The following NAV3 variants were observed in gnomAD, a reference collection of about 807,000 sequenced individuals.
NAV3 encodes the protein pore membrane and/or filament interacting like protein 1.
A neutral mutation model predicts 244.7 loss-of-function variants in NAV3; 87 were observed. That is an observed-to-expected ratio of 0.36 (90% CI 0.30 to 0.42). The LOEUF (loss-of-function observed/expected upper bound fraction) is 0.42. Among genes scored for constraint, NAV3 ranks in the 20% least tolerant of loss-of-function variants. The pLI is 1.00. For missense variants in NAV3, 2,663 were observed against 2,893.3 expected (o/e 0.92, Z 1.83); for synonymous variants, 1,126 against 1,042.2 (o/e 1.08, Z -1.55).
At chr12:78,190,415 T>A (rs1958922124) in intron 34 of NAV3, among the ~76,000 whole-genome samples, 196 bp downstream of exon 34, 1 of 151,976 alleles carries the variant, frequency 6.6e-6, no homozygotes, top group Non-Finnish European at 1.5e-5. Flanking sequence ...TCAGTAACAT[T>A]CAGTTATCAG....
chr12:78,117,813 C>T (rs1955487366), intron 13 of NAV3, among the ~76,000 whole-genome samples: 1 of 151,948 alleles, frequency 6.6e-6, no homozygotes, highest in South Asian at 2.1e-4. Flanking sequence ...CTTTCTGTAG[C>T]GTTTAATTGG....
At chr12:78,159,063 C>A in intron 22 of NAV3, 140 bp from the exon 23 acceptor site, 2 of 513,152 alleles carry the variant, frequency 3.9e-6, no homozygotes, top group Middle Eastern at 2.9e-4. Flanking sequence ...AGAAGAGTCA[C>A]CAGTCAGAGC....
At chr12:78,170,031 A>G (rs1957938872) in intron 24 of NAV3, among the ~76,000 whole-genome samples, 1 of 151,754 alleles carries the variant, frequency 6.6e-6, no homozygotes, top group South Asian at 2.1e-4. Context: ...TTTAAAATAT[A>G]TAGAAAATCA....
At chr12:78,049,055 A>C (rs756858239) in intron 9 of NAV3, among the ~76,000 whole-genome samples, 14 of 152,298 alleles carry the variant, frequency 9.2e-5, no homozygotes, top group Non-Finnish European at 1.8e-4. Flanking sequence ...CAGTTATGGC[A>C]GTTGCCCCTC....
chr12:78,180,864 A>G lies in NAV3; in HGVS notation c.5518-7A>G. On this transcript the variant is annotated splice_polypyrimidine_tract_variant and splice_region_variant and intron_variant, in intron 29 of 39. Coordinates refer to ENST00000397909, the MANE Select transcript of NAV3 (RefSeq NM_001024383.2). ...AGTTTTTTTCATGTTTTCCATCTTC[A>G]TAACAGAATGAAATTGAAATACTGA... The G allele has an allele frequency of 6.2e-7, 1 of 1,609,678 alleles. No homozygotes were observed. Among genetic ancestry groups the G allele is most frequent in the South Asian group, 1.1e-5 (1 of 90,618 alleles).
chr12:77,705,095 C>G (rs1875734979), intron 2 of NAV3, among the ~76,000 whole-genome samples: 1 of 152,040 alleles, frequency 6.6e-6, no homozygotes. Flanking sequence ...AATCAAGACC[C>G]TCTTTTAAGA....
At chr12:77,694,419 G>A (rs1725332723) in intron 2 of NAV3, among the ~76,000 whole-genome samples, 1 of 151,278 alleles carries the variant, frequency 6.6e-6, no homozygotes, top group African/African-American at 2.4e-5. Flanking sequence ...GTTGCAGTGA[G>A]CTGAGATCAC....
At chr12:77,610,214 C>A (rs1292008966) in intron 2 of NAV3, among the ~76,000 whole-genome samples, 1 of 152,056 alleles carries the variant, frequency 6.6e-6, no homozygotes, top group Non-Finnish European at 1.5e-5. Context: ...TACTTGCCTA[C>A]CTTCTTTGAA....
At chr12:77,798,870 G>A (rs950251522) in intron 2 of NAV3, among the ~76,000 whole-genome samples, 5 of 152,136 alleles carry the variant, frequency 3.3e-5, no homozygotes, top group African/African-American at 7.2e-5. Flanking sequence ...TAGAAATTAC[G>A]TATTTGGAGG....
chr12:77,661,396 A>G (rs1044933341), intron 2 of NAV3, among the ~76,000 whole-genome samples: 4 of 152,084 alleles, frequency 2.6e-5, no homozygotes, highest in African/African-American at 4.8e-5. Flanking sequence ...ATATGCTCAG[A>G]TATTTTGCCA....
chr12:77,754,211 A>G (rs1298947985), intron 2 of NAV3, among the ~76,000 whole-genome samples: 2 of 152,044 alleles, frequency 1.3e-5, no homozygotes, highest in Admixed American at 1.3e-4. Context: ...ATTTACTCTC[A>G]GGTGCTCCAC....
chr12:77,941,277 G>T, intron 3 of NAV3, 144 bp downstream of exon 3: 1 of 590,670 alleles, frequency 1.7e-6, no homozygotes. Context: ...GTATTTGTGT[G>T]GGTTCAATTT....
At chr12:77,840,078 T>TA (rs554117832) in intron 1 of NAV3, among the ~76,000 whole-genome samples, 2 of 151,406 alleles carry the variant, frequency 1.3e-5, no homozygotes, top group East Asian at 3.9e-4. Flanking sequence ...GTCTAAAAAA[T>TA]AAAAAAATAA....
intron 9 of NAV3, among the ~76,000 whole-genome samples, chr12:78,044,003 C>A (rs1047644803): frequency 1.3e-5 from 2 of 152,154 alleles, no homozygotes; most frequent in Non-Finnish European, 1.5e-5. Context: ...GAAGTCTTTG[C>A]CCATGCCTAT....
chr12:78,077,352 A>C (rs1010657401), intron 12 of NAV3, among the ~76,000 whole-genome samples: 2 of 152,246 alleles, frequency 1.3e-5, no homozygotes, highest in African/African-American at 4.8e-5. Context: ...ACCAGACAAT[A>C]AATATTTTAG....
chr12:77,828,715 G>A (rs1388041275), upstream of NAV3, among the ~76,000 whole-genome samples: 1 of 152,084 alleles, frequency 6.6e-6, no homozygotes, highest in Non-Finnish European at 1.5e-5. Flanking sequence ...AAAATTAGTT[G>A]ACAGTGGCTA....
chr12:78,017,005 G>A (rs140936036), intron 8 of NAV3, among the ~76,000 whole-genome samples: 2 of 152,120 alleles, frequency 1.3e-5, no homozygotes, highest in African/African-American at 2.4e-5. Flanking sequence ...TAAACTGCAG[G>A]GTAGTAGTTA....
At chr12:78,091,061 A>G (rs987977547) in intron 12 of NAV3, among the ~76,000 whole-genome samples, 3 of 152,022 alleles carry the variant, frequency 2.0e-5, no homozygotes, top group Non-Finnish European at 4.4e-5. Context: ...GGGAAATGAC[A>G]TAATATAATT....
At chr12:77,905,591 C>A (rs1034855917) in intron 1 of NAV3, among the ~76,000 whole-genome samples, 8 of 151,796 alleles carry the variant, frequency 5.3e-5, no homozygotes, top group African/African-American at 1.9e-4. Context: ...TTTATGTTTT[C>A]TTTCTACATA....
Sources: allele counts gnomAD v4.1 joint callset (sites outside exome capture counted in the v4.1 genomes callset), GRCh38; gene constraint gnomAD v4.1.1; transcripts MANE v1.5; gene names NCBI Gene and HGNC (gene_info 2026-07-23, HGNC 2026-07-21).